The following TTC12 variants were observed in gnomAD, a reference collection of about 807,000 sequenced individuals.
TTC12 encodes tetratricopeptide repeat domain 12.
A neutral mutation model predicts 90.1 loss-of-function variants in TTC12; 70 were observed. That is an observed-to-expected ratio of 0.78 (90% confidence interval 0.64 to 0.95). The LOEUF is 0.95. Among genes scored for constraint, TTC12 ranks in the 40% least tolerant of loss-of-function variants. The pLI is 0.00. For missense variants in TTC12, 819 were observed against 846.1 expected (o/e 0.97, Z 0.40); for synonymous variants, 296 against 311.5 (o/e 0.95, Z 0.53).
At chr11:113,337,954 T>C (rs1471411586) in intron 8 of TTC12, among the ~76,000 whole-genome samples, 2 of 152,214 alleles carry the variant, frequency 1.3e-5, no homozygotes, top group African/African-American at 4.8e-5. Context: ...ATATATAGAC[T>C]TCTGTTCCTG....
Position 113,316,249 on chromosome 11 carries a change from C to A in TTC12, c.-9C>A. On this transcript the variant is annotated 5_prime_UTR_variant, in exon 2 of 22. Coordinates refer to ENST00000529221, the MANE Select transcript of TTC12 (RefSeq NM_017868.4). ...ATTATGCTGCATCCCTTAGGGATTCCGGTTCACAATGGATGCTGATAAAGA... is the reference window on the plus strand; with the variant it reads ...ATTATGCTGCATCCCTTAGGGATTCAGGTTCACAATGGATGCTGATAAAGA... 1 of 1,439,666 alleles carries A rather than the reference C, an allele frequency of 6.9e-7. No individual in the cohort carries two copies. 89.2% of individuals were successfully genotyped at this position (1,439,666 alleles called of 1,614,324 possible). A position where few individuals can be genotyped will look rare whatever the true frequency, so the allele number is the denominator to read the frequency against.
chr11:113,325,573 A>C lies in TTC12; in HGVS notation c.372A>C (p.Thr124=), dbSNP rs1215869858. The C allele has an allele frequency of 1.2e-6, 2 of 1,614,032 alleles. No homozygotes were observed. The highest frequency in any genetic ancestry group is 2.7e-5 in the African/African-American group (2 of 75,062). ...NEAFAEGNYE[T]AILRYSEGLE... ...CATTTGCTGAAGGCAATTATGAAAC[A>C]GCTATCCTGCGCTACAGTGAGGGTT... The change falls in exon 6 of 22, where the codon ACA becomes ACC. Residue 124 remains threonine, a synonymous_variant. Coordinates refer to ENST00000529221, the MANE Select transcript of TTC12 (RefSeq NM_017868.4).
rs1407552794 is a variant in TTC12 at position 113,359,852 on chromosome 11, A to G, written c.1546-88A>G. 5 of 1,034,426 alleles carry G rather than the reference A, an allele frequency of 4.8e-6. No homozygotes were observed. The African/African-American group carries it at 8.0e-5, about 17-fold the overall frequency. The allele number at this position is 1,034,426 out of a possible 1,614,324, so 64.1% of individuals were successfully genotyped here. On this transcript the variant is annotated intron_variant, in intron 17 of 21. Coordinates refer to ENST00000529221, the MANE Select transcript of TTC12 (RefSeq NM_017868.4). The stretch of plus-strand genomic sequence containing the variant: ...CTGGGCATAGTGTGGTGGTGCTAAA[A>G]AGGAGACGGTGCTCAGAAGAAGCTC...
At chr11:113,359,531 T>G (rs1949799749) in intron 17 of TTC12, 70 bp downstream of exon 17, 2 of 1,058,790 alleles carry the variant, frequency 1.9e-6, no homozygotes, top group Non-Finnish European at 2.9e-6. Context: ...ATAAAACCAT[T>G]CTCATGTTCA....
chr11:113,364,845 TATG>T lies in TTC12; in HGVS notation c.1832_1834del (p.Met611del). ...CTTCTTTCCCTGCAGAGTTGAGCGT[TATG>T]ATGAAGCTGCTCAGCTCGGAGGATG... On this transcript the variant is annotated inframe_deletion, in exon 21 of 22. Coordinates refer to ENST00000529221, the MANE Select transcript of TTC12 (RefSeq NM_017868.4). 6.2e-7 allele frequency: 1 copy of T among 1,614,014 alleles called. No homozygotes were observed. The highest frequency in any genetic ancestry group is 8.5e-7 in the Non-Finnish European group (1 of 1,179,904).
intron 8 of TTC12, among the ~76,000 whole-genome samples, chr11:113,336,438 C>A (rs1948374925): frequency 6.6e-6 from 1 of 152,128 alleles, no homozygotes; most frequent in South Asian, 2.1e-4. Context: ...GGTGTTATAT[C>A]TAAGAAAAGA....
chr11:113,359,822 G>T, intron 17 of TTC12, 118 bp from the exon 18 acceptor site: 1 of 735,290 alleles, frequency 1.4e-6, no homozygotes, highest in Non-Finnish European at 2.3e-6. Context: ...GTGTTGTGAG[G>T]GAACCTGGGC....
chr11:113,352,330 A>C, intron 16 of TTC12, 123 bp downstream of exon 16: 1 of 1,262,938 alleles, frequency 7.9e-7, no homozygotes, highest in East Asian at 2.5e-5. Flanking sequence ...CAGTTGGCTT[A>C]TCCCTTCTGT....
intron 21 of TTC12, 65 bp downstream of exon 21, chr11:113,365,125 GT>G: frequency 6.7e-7 from 1 of 1,483,972 alleles, no homozygotes. Context: ...GAGGTGCTGA[GT>G]TTTGGCTGGG....
chr11:113,321,259 TAGA>T (rs1348804901), intron 2 of TTC12, among the ~76,000 whole-genome samples: 33 of 152,196 alleles, frequency 2.2e-4, no homozygotes, highest in African/African-American at 7.5e-4. Flanking sequence ...GATAAGAATG[TAGA>T]AGAATGGGAA....
chr11:113,338,034 T>C (rs1948468619), intron 8 of TTC12, among the ~76,000 whole-genome samples: 1 of 152,054 alleles, frequency 6.6e-6, no homozygotes, highest in Non-Finnish European at 1.5e-5. Flanking sequence ...GTCTTCTAGA[T>C]GAACCTTGAA....
intron 21 of TTC12, 117 bp downstream of exon 21, chr11:113,365,177 T>C: frequency 1.1e-6 from 1 of 910,918 alleles, no homozygotes; most frequent in Non-Finnish European, 1.7e-6. Context: ...CCCTCATGCT[T>C]TCTGTGCAGA....
intron 15 of TTC12, 115 bp from the exon 16 acceptor site, chr11:113,351,955 A>T (rs1591601462): frequency 8.1e-7 from 1 of 1,236,280 alleles, no homozygotes; most frequent in East Asian, 2.5e-5. Context: ...CCTGTGTGAC[A>T]TGAAGCTATC....
At chr11:113,341,761 G>T (rs2137998533) in intron 11 of TTC12, 76 bp from the exon 12 acceptor site, 1 of 1,159,686 alleles carries the variant, frequency 8.6e-7, no homozygotes, top group South Asian at 1.2e-5. Context: ...ATCTAGGGGT[G>T]AAATAAAACC....
intron 19 of TTC12, among the ~76,000 whole-genome samples, chr11:113,363,304 C>A (rs1236501840): frequency 6.6e-6 from 1 of 152,218 alleles, no homozygotes; most frequent in Non-Finnish European, 1.5e-5. Context: ...GGCATGCATA[C>A]CCATGCATCA....
rs782131883 is a variant in TTC12, at chr11:113,359,392, C to T, written c.1476C>T (p.Phe492=). ...LARCEEDVDL[F]REVIYTLLGL... is the part of the protein sequence containing the mutation. ...GGTGTGAGGAGGATGTGGACCTGTT[C>T]AGAGAGGTTATCTACACACTCCTGG... Residue 492 remains phenylalanine (F), a synonymous_variant, in exon 17 of 22, where the codon TTC becomes TTT. Coordinates refer to ENST00000529221, the MANE Select transcript of TTC12 (RefSeq NM_017868.4). 1.2e-6 allele frequency: 2 copies of T among 1,612,392 alleles called. No individual in the cohort carries two copies. The highest frequency in any genetic ancestry group is 1.7e-6 in the Non-Finnish European group (2 of 1,178,828).
Position 113,322,340 on chromosome 11 carries a change from C to T in TTC12, c.59-948C>T, listed in dbSNP as rs2000808. 4.0e-3 allele frequency among the ~76,000 whole-genome samples: 605 copies of T among 151,948 alleles called. 4 individuals are homozygous for T. Among genetic ancestry groups the T allele is most frequent in the Non-Finnish European group, 3.5e-3 (240 of 67,996 alleles). On this transcript the variant is annotated intron_variant, in intron 2 of 21. Transcript: ENST00000529221. ...ATAGGATTATTAATTGGTGATGCAG[C>T]GTTCCTGATTATGCAAAATATGACA...
At chr11:113,337,561 A>G (rs1294111845) in intron 8 of TTC12, among the ~76,000 whole-genome samples, 1 of 152,178 alleles carries the variant, frequency 6.6e-6, no homozygotes, top group Non-Finnish European at 1.5e-5. Flanking sequence ...GATGAGGTCA[A>G]ACAGGTGATA....
intron 18 of TTC12, among the ~76,000 whole-genome samples, chr11:113,360,817 G>A (rs1949886580): frequency 6.6e-6 from 1 of 152,144 alleles, no homozygotes; most frequent in Non-Finnish European, 1.5e-5. Flanking sequence ...CCCTGTTTGG[G>A]GGTAGCACTC....
Sources: gnomAD v4.1 joint callset for allele counts (sites outside exome capture counted in the v4.1 genomes callset) on GRCh38, gnomAD v4.1.1 for gene constraint, MANE v1.5 for transcripts, NCBI Gene and HGNC (gene_info 2026-07-23, HGNC 2026-07-21) for gene names.